The following TFDP1 variants were observed in gnomAD, a reference collection of about 807,000 sequenced individuals.
The protein encoded by TFDP1 is transcription factor Dp-1.
In TFDP1, 6 loss-of-function variants were observed where a neutral mutation model predicts 48.0. The ratio of observed to expected loss-of-function variants is 0.13; its 90% confidence interval spans 0.07 to 0.25. TFDP1 has a LOEUF of 0.25. Ranked by LOEUF, TFDP1 falls within the 10% of genes least tolerant of loss-of-function variation. The pLI is 1.00. For missense variants in TFDP1, 335 were observed against 543.0 expected (o/e 0.62, Z 3.81); for synonymous variants, 201 against 211.6 (o/e 0.95, Z 0.44).
At chr13:113,585,931 G>A in intron 2 of TFDP1, 82 bp downstream of exon 2, 1 of 1,472,764 alleles carries the variant, frequency 6.8e-7, no homozygotes, top group Non-Finnish European at 9.5e-7. Context: ...ATTTCAGAAT[G>A]ACAACACATA....
At chr13:113,595,889 T>C (rs886919487) in intron 2 of TFDP1, among the ~76,000 whole-genome samples, 9 of 152,222 alleles carry the variant, frequency 5.9e-5, no homozygotes, top group Admixed American at 2.0e-4. Context: ...GAGACCATCC[T>C]GGCTAACATG....
At chr13:113,625,040 G>C (rs1413290065) in intron 4 of TFDP1, among the ~76,000 whole-genome samples, 1 of 135,302 alleles carries the variant, frequency 7.4e-6, no homozygotes, top group African/African-American at 2.9e-5. Flanking sequence ...TGTTTCTCAG[G>C]TGTCTCTCAC....
intron 2 of TFDP1, among the ~76,000 whole-genome samples, chr13:113,589,380 G>A (rs1368333662): frequency 6.6e-6 from 1 of 152,164 alleles, no homozygotes; most frequent in Non-Finnish European, 1.5e-5. Context: ...AGAAATTTAT[G>A]ATCAAGATTA....
intron 3 of TFDP1, among the ~76,000 whole-genome samples, chr13:113,613,354 G>C (rs569109964): frequency 2.6e-5 from 4 of 152,202 alleles, no homozygotes; most frequent in African/African-American, 4.8e-5. Flanking sequence ...TCAGTGACAC[G>C]TTCATGTTTT....
chr13:113,617,626 GCTCAC>G (rs2048894551), intron 3 of TFDP1, among the ~76,000 whole-genome samples: 1 of 118,800 alleles, frequency 8.4e-6, no homozygotes, highest in African/African-American at 3.1e-5. Context: ...CTGCAGAGCC[GCTCAC>G]CTGCAGAGCC....
chr13:113,632,225 C>A (rs980442683), intron 5 of TFDP1, among the ~76,000 whole-genome samples: 1 of 152,232 alleles, frequency 6.6e-6, no homozygotes, highest in Non-Finnish European at 1.5e-5. Flanking sequence ...TCCTTAAAAA[C>A]ACACACACGC....
intron 2 of TFDP1, among the ~76,000 whole-genome samples, chr13:113,596,018 C>T (rs2048281908): frequency 6.6e-6 from 1 of 152,260 alleles, no homozygotes; most frequent in Non-Finnish European, 1.5e-5. Flanking sequence ...GGAGGCGGAG[C>T]TTGCAGTGAG....
intron 2 of TFDP1, among the ~76,000 whole-genome samples, chr13:113,604,033 G>T (rs1422537914): frequency 6.6e-6 from 1 of 151,952 alleles, no homozygotes; most frequent in Non-Finnish European, 1.5e-5. Context: ...GGCATGGGGT[G>T]CATGCCTGTC....
chr13:113,622,026 G>C (rs1428463462), intron 3 of TFDP1, among the ~76,000 whole-genome samples: 1 of 152,220 alleles, frequency 6.6e-6, no homozygotes, highest in Non-Finnish European at 1.5e-5. Context: ...GGCGTAAGCT[G>C]TCTTTCTCTT....
chr13:113,640,189 G>C lies in TFDP1; in HGVS notation c.1155G>C (p.Arg385Ser). Residue 385 changes from arginine (R) to serine (S), a missense_variant, in exon 12 of 12, where the codon AGG (arginine) becomes AGC (serine). By Grantham distance (110) the Arg-to-Ser change is moderately radical. Coordinates refer to ENST00000375370, the MANE Select transcript of TFDP1 (RefSeq NM_007111.5). ...ATGGGTCTCAGTACAGCGGCTCCAG[G>C]GTGGAGACTCCGGTGTCCTACGTCG... ...SSNGSQYSGSRVETPVSYVGE... is the reference protein window; with the variant it reads ...SSNGSQYSGSSVETPVSYVGE... 6.2e-7 allele frequency: 1 copy of C among 1,613,608 alleles called. No homozygotes were observed. The highest frequency in any genetic ancestry group is 8.5e-7 in the Non-Finnish European group (1 of 1,179,856).
intron 2 of TFDP1, among the ~76,000 whole-genome samples, chr13:113,606,398 T>G (rs925760687): frequency 3.3e-5 from 5 of 152,196 alleles, no homozygotes; most frequent in Non-Finnish European, 7.4e-5. Context: ...TGGTGTCCAG[T>G]GAGAACCACT....
rs751943510 is a variant in TFDP1 at position 113,613,666 on chromosome 13, AGTGT to A, written c.79+2612_79+2615del. On this transcript the variant is annotated intron_variant, in intron 3 of 11. Coordinates refer to ENST00000375370, the MANE Select transcript of TFDP1 (RefSeq NM_007111.5). ...GTGTCTGCGTGAATGCGTGGGTATG[AGTGT>A]GTGTGTGCATGAGTGTGTGTGTGTA... Among the ~76,000 whole-genome samples, 10 of 117,760 alleles carry A rather than the reference AGTGT, an allele frequency of 8.5e-5. No homozygotes were observed. The East Asian group carries it at 1.0e-3, about 12-fold the overall frequency. The allele number at this position is 117,760 out of a possible 152,430, so 77.3% of individuals were successfully genotyped here. A position where few individuals can be genotyped will look rare whatever the true frequency, so the allele number is the denominator to read the frequency against.
Position 113,623,121 on chromosome 13 carries a change from C to T in TFDP1, c.80-59C>T. On this transcript the variant is annotated intron_variant, in intron 3 of 11. Transcript: ENST00000375370. This position sits in a 1 kb window ranked among gnomAD's most constrained non-coding sequence, Gnocchi z 5.2. ...CACCGTCTTGCATTTAGAATGGTCG[C>T]TTGTAGCCTTAACTTAGAAAAGGAG... 1 of 1,477,466 alleles carries T rather than the reference C, an allele frequency of 6.8e-7. No homozygotes were observed. Among genetic ancestry groups the T allele is most frequent in the Non-Finnish European group, 9.3e-7 (1 of 1,074,188 alleles). 91.5% of individuals were successfully genotyped at this position (1,477,466 alleles called of 1,614,324 possible). A position where few individuals can be genotyped will look rare whatever the true frequency, so the allele number is the denominator to read the frequency against.
At chr13:113,601,747 A>G (rs993181703) in intron 2 of TFDP1, among the ~76,000 whole-genome samples, 7 of 152,188 alleles carry the variant, frequency 4.6e-5, no homozygotes, top group Non-Finnish European at 7.4e-5. Context: ...GTGGTGGGCA[A>G]CCCAACAGCC....
At position 113,587,707 on chromosome 13, in the gene TFDP1, G is replaced by A. The variant is rs9604169; in HGVS notation, c.12+1858G>A. On this transcript the variant is annotated intron_variant, in intron 2 of 11. Coordinates refer to ENST00000375370, the MANE Select transcript of TFDP1 (RefSeq NM_007111.5). ...TCACCATGTTGCCCAGGCTGGGCTC[G>A]AGCTCCTGACCTCAACAATCCACCC... Among the ~76,000 whole-genome samples, 145 of 152,106 alleles carry A rather than the reference G, an allele frequency of 9.5e-4. 1 individual carries two copies. The highest frequency in any genetic ancestry group is 3.3e-3 in the African/African-American group (135 of 41,494).
intron 2 of TFDP1, among the ~76,000 whole-genome samples, chr13:113,589,913 G>A (rs915259440): frequency 2.6e-5 from 4 of 152,206 alleles, no homozygotes; most frequent in South Asian, 2.1e-4. Flanking sequence ...TCCCTACCTC[G>A]GAACATCCTG....
intron 10 of TFDP1, chr13:113,637,264 A>T (rs975832223): frequency 8.0e-6 from 2 of 249,152 alleles, no homozygotes; most frequent in Admixed American, 5.2e-5. Context: ...TGAAGGTGTC[A>T]TATCTGCTGA....
At chr13:113,613,532 T>C (rs7331409) in intron 3 of TFDP1, among the ~76,000 whole-genome samples, 62,377 of 146,784 alleles carry the variant, frequency 0.42, 14,361 homozygotes, top group African/African-American at 0.58. Flanking sequence ...TGTGCATGAG[T>C]GTGTGTGAGG....
intron 3 of TFDP1, among the ~76,000 whole-genome samples, chr13:113,619,481 CAAAAA>C (rs1162300447): frequency 1.8e-5 from 2 of 110,500 alleles, no homozygotes; most frequent in Non-Finnish European, 3.9e-5. Flanking sequence ...AAAAAAAAAA[CAAAAA>C]AAAAAAAAAA....
Sources: allele counts gnomAD v4.1 joint callset (sites outside exome capture counted in the v4.1 genomes callset), GRCh38; gene constraint gnomAD v4.1.1; non-coding constraint Gnocchi (gnomAD v3.1); transcripts MANE v1.5; gene names NCBI Gene and HGNC (gene_info 2026-07-23, HGNC 2026-07-21).